Variants in CEP112 observed in about 807,000 individuals in gnomAD.
CEP112 encodes centrosomal protein of 112 kDa.
CEP112 carries 127 observed loss-of-function variants against 153.0 expected under a neutral mutation model. That is an observed-to-expected ratio of 0.83 (90% CI 0.72 to 0.96). The LOEUF (loss-of-function observed/expected upper bound fraction) is 0.96. Ranked by LOEUF, CEP112 falls within the 40% of genes least tolerant of loss-of-function variation. CEP112 has a pLI of 0.00. For missense variants in CEP112, 1,089 were observed against 1,101.2 expected (o/e 0.99, Z 0.16); for synonymous variants, 358 against 374.4 (o/e 0.96, Z 0.51).
chr17:65,689,156 T>G lies in CEP112; in HGVS notation c.2670A>C (p.Gln890His). 1 of 1,613,190 alleles carries G rather than the reference T, an allele frequency of 6.2e-7. No individual in the cohort carries two copies. Among genetic ancestry groups the G allele is most frequent in the Non-Finnish European group, 8.5e-7 (1 of 1,179,158 alleles). ...GTTCCTGTGACTCCAATTCTTTGTGTTGTAATTTTTTCTCTGCACATCGCA... is the reference window on the plus strand; with the variant it reads ...GTTCCTGTGACTCCAATTCTTTGTGGTGTAATTTTTTCTCTGCACATCGCA... ...NQVRCAEKKL[Q>H]HKELESQEQI... is the part of the protein sequence containing the mutation. Residue 890 changes from glutamine to histidine, a missense_variant, in exon 24 of 27, where the codon CAA (glutamine) becomes CAC (histidine). Transcript: ENST00000535342.
chr17:65,686,857 C>T (rs1297132156), intron 24 of CEP112, among the ~76,000 whole-genome samples: 1 of 102,260 alleles, frequency 9.8e-6, no homozygotes, highest in Admixed American at 1.1e-4. Flanking sequence ...TCTATCATTG[C>T]TATCCAGTTT....
chr17:66,033,630 T>C (rs768860765), intron 12 of CEP112, among the ~76,000 whole-genome samples: 2 of 152,220 alleles, frequency 1.3e-5, no homozygotes, highest in Non-Finnish European at 2.9e-5. Flanking sequence ...CTTCTTTCAG[T>C]TCTCCACCTA....
At chr17:65,781,215 A>T (rs1192222745) in intron 21 of CEP112, among the ~76,000 whole-genome samples, 1 of 152,146 alleles carries the variant, frequency 6.6e-6, no homozygotes, top group African/African-American at 2.4e-5. Context: ...ATTTCTATAC[A>T]CCAATAACAT....
intron 23 of CEP112, among the ~76,000 whole-genome samples, chr17:65,739,747 A>G (rs535795959): frequency 6.6e-6 from 1 of 152,072 alleles, no homozygotes; most frequent in Non-Finnish European, 1.5e-5. Context: ...AAAAAAAAAA[A>G]TCTACTCTTA....
At position 65,637,199 on chromosome 17, in the gene CEP112, C is replaced by T; in HGVS notation, c.2800-11G>A. ...TTGCAGAAAATTAACCTAGAAAAGA[C>T]ACCTTGTGTGAGAAGAGGTGGACGT... On this transcript the variant is annotated splice_polypyrimidine_tract_variant and intron_variant, in intron 25 of 26. Transcript: ENST00000535342. 6.2e-7 allele frequency: 1 copy of T among 1,608,560 alleles called. No individual in the cohort carries two copies. The highest frequency in any genetic ancestry group is 8.5e-7 in the Non-Finnish European group (1 of 1,174,974).
At chr17:66,008,595 C>A (rs920423875) in intron 16 of CEP112, among the ~76,000 whole-genome samples, 1 of 152,106 alleles carries the variant, frequency 6.6e-6, no homozygotes, top group African/African-American at 2.4e-5. Context: ...GAACCTCCCT[C>A]GGCATCCAAA....
intron 18 of CEP112, among the ~76,000 whole-genome samples, chr17:65,931,042 C>T (rs886863718): frequency 1.3e-5 from 2 of 152,112 alleles, no homozygotes; most frequent in African/African-American, 4.8e-5. Context: ...AATATGTAAG[C>T]TTTGTTTAGT....
At position 65,927,768 on chromosome 17, in the gene CEP112, TA is replaced by T. The variant is rs2060981455; in HGVS notation, c.1873-80del. 4 of 809,140 alleles carry T rather than the reference TA, an allele frequency of 4.9e-6. 1 individual carries two copies. In the South Asian group the frequency reaches 9.1e-5, roughly 18 times the overall value. 50.1% of individuals were successfully genotyped at this position (809,140 alleles called of 1,614,324 possible). On this transcript the variant is annotated intron_variant, in intron 18 of 26. Coordinates refer to ENST00000535342, the MANE Select transcript of CEP112 (RefSeq NM_001199165.4). The stretch of plus-strand genomic sequence containing the variant: ...TGTTTTTGTAATTTGTCCATTTGTT[TA>T]AATGACAGATTTTAAGCACCTCACC...
intron 21 of CEP112, among the ~76,000 whole-genome samples, chr17:65,783,199 T>A (rs2054094719): frequency 6.6e-6 from 1 of 152,094 alleles, no homozygotes; most frequent in Admixed American, 6.5e-5. Flanking sequence ...CATTAGTCAT[T>A]AAATAAATGC....
chr17:65,826,343 C>T (rs954593981), intron 21 of CEP112: 6 of 1,612,274 alleles, frequency 3.7e-6, no homozygotes, highest in Non-Finnish European at 5.1e-6. Context: ...TGATGAGAGC[C>T]CTCAGTGCAG....
intron 23 of CEP112, among the ~76,000 whole-genome samples, chr17:65,720,775 T>A (rs1222765192): frequency 6.6e-6 from 1 of 152,220 alleles, no homozygotes; most frequent in Non-Finnish European, 1.5e-5. Flanking sequence ...GTAGGACCTA[T>A]TAAGTAGCAG....
chr17:66,049,925 G>C (rs1325068362), intron 12 of CEP112, among the ~76,000 whole-genome samples: 1 of 152,036 alleles, frequency 6.6e-6, no homozygotes, highest in Non-Finnish European at 1.5e-5. Context: ...AATACAAAGA[G>C]ATAGAAAATA....
chr17:66,142,342 G>A (rs1225668977), intron 4 of CEP112, among the ~76,000 whole-genome samples: 6 of 152,116 alleles, frequency 3.9e-5, no homozygotes, highest in Non-Finnish European at 8.8e-5. Flanking sequence ...CTGTGCAGGA[G>A]ATTTTTAAGT....
At chr17:65,657,879 T>C (rs1286805773) in intron 24 of CEP112, among the ~76,000 whole-genome samples, 2 of 152,212 alleles carry the variant, frequency 1.3e-5, no homozygotes, top group Non-Finnish European at 2.9e-5. Flanking sequence ...TAGTAAATAT[T>C]GTTTTAATGA....
chr17:65,965,918 A>T (rs866486068), intron 17 of CEP112, among the ~76,000 whole-genome samples: 1 of 152,322 alleles, frequency 6.6e-6, no homozygotes, highest in Middle Eastern at 3.4e-3. Context: ...ATGAAGCAGA[A>T]ATGAAAATGC....
At position 66,176,944 on chromosome 17, in the gene CEP112, C is replaced by T. The variant is rs370635251; in HGVS notation, c.183G>A (p.Lys61=). The T allele has an allele frequency of 2.5e-6, 4 of 1,613,862 alleles. No homozygotes were observed. The highest frequency in any genetic ancestry group is 4.5e-5 in the East Asian group (2 of 44,886). The change falls in exon 3 of 27, where the codon AAG becomes AAA. Residue 61 remains lysine, a synonymous_variant. Transcript: ENST00000535342. ...SGTGAGIMGR[K]NRNLYAKLLL... ...ACAATTTTGCATACAGGTTCCGATT[C>T]TTCCTCCCCATTATTCCTGCACCTG...
At chr17:65,959,300 C>T (rs2062111834) in intron 18 of CEP112, among the ~76,000 whole-genome samples, 1 of 152,188 alleles carries the variant, frequency 6.6e-6, no homozygotes, top group Admixed American at 6.5e-5. Context: ...GAGCTGAACA[C>T]TCACTGGGAC....
chr17:65,702,778 G>A lies in CEP112; in HGVS notation c.2608-13560C>T, dbSNP rs1489306868. On this transcript the variant is annotated intron_variant, in intron 23 of 26. Coordinates refer to ENST00000535342, the MANE Select transcript of CEP112 (RefSeq NM_001199165.4). ...ATAATCATGGCGGAAGGTGAATGAG[G>A]AGCAAAGGCACGTCTTACATGGAGG... Among the ~76,000 whole-genome samples the A allele has an allele frequency of 2.6e-5, 4 of 152,160 alleles. No homozygotes were observed. In the East Asian group the frequency reaches 7.7e-4, roughly 29 times the overall value.
At chr17:65,700,913 G>A (rs2144582251) in intron 23 of CEP112, among the ~76,000 whole-genome samples, 1 of 152,288 alleles carries the variant, frequency 6.6e-6, no homozygotes, top group East Asian at 1.9e-4. Flanking sequence ...ACACCTGTAA[G>A]CTTCACGATC....
Sources: gnomAD v4.1 joint callset for allele counts (sites outside exome capture counted in the v4.1 genomes callset) on GRCh38, gnomAD v4.1.1 for gene constraint, MANE v1.5 for transcripts, NCBI Gene and HGNC (gene_info 2026-07-23, HGNC 2026-07-21) for gene names.